The following RFPL1 variants were observed in gnomAD, a reference collection of about 807,000 sequenced individuals.
The protein encoded by RFPL1 is ret finger protein-like 1.
A neutral mutation model predicts 9.6 loss-of-function variants in RFPL1; 6 were observed. That is an observed-to-expected ratio of 0.62 (90% CI 0.34 to 1.23). RFPL1 has a LOEUF of 1.23. RFPL1 is among the 50% of genes most tolerant of loss of function. The pLI is 0.03. For missense variants in RFPL1, 352 were observed against 398.4 expected (o/e 0.88, Z 0.99); for synonymous variants, 145 against 149.4 (o/e 0.97, Z 0.22).
the RFPL1 span, among the ~76,000 whole-genome samples, chr22:29,418,103 G>C: frequency 6.6e-6 from 1 of 152,038 alleles, no homozygotes; most frequent in African/African-American, 2.4e-5. Context: ...GCTAATTTTT[G>C]TATTTTTAGT....
chr22:29,415,423 G>A, the RFPL1 span, among the ~76,000 whole-genome samples: 1 of 152,224 alleles, frequency 6.6e-6, no homozygotes, highest in African/African-American at 2.4e-5. Flanking sequence ...GATCCTCTGC[G>A]GGGGCCTGCC....
the RFPL1 span, among the ~76,000 whole-genome samples, chr22:29,397,535 C>T: frequency 7.4e-5 from 11 of 148,514 alleles, no homozygotes; most frequent in Admixed American, 5.3e-4. Flanking sequence ...ACCTGCCGAC[C>T]GATGGGCCAA....
the RFPL1 span, among the ~76,000 whole-genome samples, chr22:29,424,970 C>G: frequency 6.6e-6 from 1 of 151,748 alleles, no homozygotes; most frequent in South Asian, 2.1e-4. Context: ...TTTGGGAGGC[C>G]CAGGCGGGCG....
the RFPL1 span, among the ~76,000 whole-genome samples, chr22:29,420,804 C>T: frequency 6.6e-6 from 1 of 151,726 alleles, no homozygotes; most frequent in African/African-American, 2.4e-5. Context: ...TCATACCCTC[C>T]TAATTTTTGT....
At chr22:29,424,833 A>ACCCCCCCCCCCCCCC in the RFPL1 span, among the ~76,000 whole-genome samples, 1 of 39,218 alleles carries the variant, frequency 2.5e-5, no homozygotes, top group Non-Finnish European at 4.7e-5. Context: ...TGTCCCTCCC[A>ACCCCCCCCCCCCCCC]CCCCCCCCCC....
At chr22:29,405,967 G>C in the RFPL1 span, among the ~76,000 whole-genome samples, 258 of 150,312 alleles carry the variant, frequency 1.7e-3, 5 homozygotes, top group Admixed American at 0.016. Flanking sequence ...AAATTAGCCG[G>C]GCGCGGTGGC....
the RFPL1 span, among the ~76,000 whole-genome samples, chr22:29,396,993 G>A: frequency 7.5e-6 from 1 of 132,750 alleles, no homozygotes; most frequent in Non-Finnish European, 1.5e-5. Context: ...TGCAAGCTCC[G>A]CCTCCCGGGT....
the RFPL1 span, among the ~76,000 whole-genome samples, chr22:29,430,918 A>T: frequency 6.6e-6 from 1 of 152,252 alleles, no homozygotes; most frequent in Non-Finnish European, 1.5e-5. Flanking sequence ...TGAGATGGCA[A>T]TATTAGTCTG....
At chr22:29,437,943 G>T, upstream of RFPL1, 7 of 427,822 alleles carry the variant, frequency 1.6e-5, no homozygotes, top group East Asian at 5.6e-5. Flanking sequence ...CAAGGCTGGA[G>T]AAGGATGTGA....
the RFPL1 span, among the ~76,000 whole-genome samples, chr22:29,414,815 CT>C: frequency 6.4e-3 from 865 of 134,148 alleles, no homozygotes; most frequent in Middle Eastern, 0.015. Context: ...TACCTTTTTG[CT>C]TTTTTTTTTT....
exon 2 of RFPL1, chr22:29,442,116 C>A: frequency 6.6e-7 from 1 of 1,526,282 alleles, no homozygotes; most frequent in South Asian, 1.3e-5. Context: ...CTGGGGAGGC[C>A]AAATAAGCCC....
At chr22:29,431,817 A>T in the RFPL1 span, among the ~76,000 whole-genome samples, 1 of 151,640 alleles carries the variant, frequency 6.6e-6, no homozygotes, top group African/African-American at 2.4e-5. Flanking sequence ...CAGCCTCCTG[A>T]GTAGCTGGGA....
exon 1 of RFPL1, chr22:29,438,952 A>G (rs778517497): frequency 6.2e-7 from 1 of 1,613,924 alleles, no homozygotes. Context: ...ATGTCCCTGG[A>G]GTGTGGATGC....
chr22:29,420,170 A>T, the RFPL1 span, among the ~76,000 whole-genome samples: 2 of 152,212 alleles, frequency 1.3e-5, no homozygotes, highest in African/African-American at 4.8e-5. Context: ...TGAAAATGGG[A>T]ATTCAGCTGC....
the RFPL1 span, among the ~76,000 whole-genome samples, chr22:29,426,688 C>T: frequency 1.8e-4 from 28 of 152,102 alleles, no homozygotes; most frequent in Admixed American, 7.9e-4. Context: ...GCGGAGATTG[C>T]GGTGAGCAGA....
the RFPL1 span, among the ~76,000 whole-genome samples, chr22:29,431,210 T>C: frequency 2.6e-5 from 4 of 152,116 alleles, no homozygotes; most frequent in Non-Finnish European, 5.9e-5. Context: ...CTTACTAGAT[T>C]CCTACCAAGG....
At chr22:29,425,095 T>C in the RFPL1 span, among the ~76,000 whole-genome samples, 1 of 149,982 alleles carries the variant, frequency 6.7e-6, no homozygotes, top group Non-Finnish European at 1.5e-5. Context: ...TCCCAGCTAC[T>C]CGGGAGGCTG....
chr22:29,408,420 A>G, the RFPL1 span, among the ~76,000 whole-genome samples: 1 of 152,172 alleles, frequency 6.6e-6, no homozygotes, highest in South Asian at 2.1e-4. Flanking sequence ...TCCACACTCC[A>G]GACCCAGTCC....
chr22:29,440,047 A>C (rs2146366666), intron 1 of RFPL1: 1 of 151,748 alleles, frequency 6.6e-6, no homozygotes, highest in Non-Finnish European at 1.5e-5. Context: ...AAATACTATC[A>C]CTCTCCATAA....
Sources: allele counts gnomAD v4.1 joint callset (sites outside exome capture counted in the v4.1 genomes callset), GRCh38; gene constraint gnomAD v4.1.1; transcripts MANE v1.5; gene names NCBI Gene and HGNC (gene_info 2026-07-23, HGNC 2026-07-21).